Variants in DZANK1 observed in about 807,000 individuals in gnomAD.
The protein encoded by DZANK1 is double zinc ribbon and ankyrin repeat domains 1.
A neutral mutation model predicts 94.5 loss-of-function variants in DZANK1; 91 were observed. The observed-to-expected ratio is 0.96, with a 90% CI of 0.81 to 1.15. The LOEUF (loss-of-function observed/expected upper bound fraction) is 1.15. Ranked by LOEUF, DZANK1 falls within the 50% of genes most tolerant of loss-of-function variation. The pLI, the probability that DZANK1 is intolerant of heterozygous loss-of-function variation, is 0.00. For synonymous variants in DZANK1, 312 were observed against 325.3 expected (o/e 0.96, Z 0.44); for missense variants, 903 against 916.4 (o/e 0.99, Z 0.19).
At chr20:18,414,374 C>T (rs1238674049) in exon 12 of DZANK1, 1 of 1,613,966 alleles carries the variant, frequency 6.2e-7, no homozygotes, top group South Asian at 1.1e-5. Context: ...GGTTCCTCAG[C>T]AGCTAGAGCC....
intron 19 of DZANK1, among the ~76,000 whole-genome samples, chr20:18,385,895 C>T (rs1441072304): frequency 1.3e-5 from 2 of 152,122 alleles, no homozygotes; most frequent in East Asian, 1.9e-4. Context: ...GGTTTCTCTC[C>T]GTATTTCCTG....
chr20:18,425,261 G>T (rs549655190), intron 10 of DZANK1, among the ~76,000 whole-genome samples: 5 of 152,120 alleles, frequency 3.3e-5, no homozygotes, highest in African/African-American at 1.2e-4. Flanking sequence ...GACATTAAAA[G>T]GTATCTTGTC....
chr20:18,435,710 A>G (rs1457609140), intron 8 of DZANK1, among the ~76,000 whole-genome samples: 3 of 151,928 alleles, frequency 2.0e-5, no homozygotes, highest in Admixed American at 6.6e-5. Flanking sequence ...ATGTACACCT[A>G]TGTAACAAAC....
At chr20:18,453,468 G>T (rs1240545814) in intron 5 of DZANK1, among the ~76,000 whole-genome samples, 1 of 152,054 alleles carries the variant, frequency 6.6e-6, no homozygotes, top group Non-Finnish European at 1.5e-5. Context: ...TACAACTCCA[G>T]CATTTCCTCT....
chr20:18,451,657 G>A (rs1259320415), intron 6 of DZANK1, among the ~76,000 whole-genome samples: 1 of 152,006 alleles, frequency 6.6e-6, no homozygotes, highest in Non-Finnish European at 1.5e-5. Context: ...GATGTCTAAT[G>A]TGCCCTTGGA....
intron 19 of DZANK1, among the ~76,000 whole-genome samples, chr20:18,388,757 G>GTT (rs2048667308): frequency 6.6e-6 from 1 of 152,048 alleles, no homozygotes; most frequent in Non-Finnish European, 1.5e-5. Context: ...ACAAAAGGGG[G>GTT]GTAGAAGCTA....
At chr20:18,415,725 AT>A (rs1343394705) in intron 10 of DZANK1, among the ~76,000 whole-genome samples, 3 of 152,180 alleles carry the variant, frequency 2.0e-5, no homozygotes, top group Non-Finnish European at 4.4e-5. Context: ...AATATCTTTA[AT>A]ATCAGGGATA....
chr20:18,431,417 G>A (rs1357408369), intron 9 of DZANK1, among the ~76,000 whole-genome samples: 1 of 152,240 alleles, frequency 6.6e-6, no homozygotes, highest in Non-Finnish European at 1.5e-5. Flanking sequence ...ATGGCATGCT[G>A]CCGCCTGCCG....
chr20:18,389,757 A>T, exon 19 of DZANK1: 1 of 1,613,874 alleles, frequency 6.2e-7, no homozygotes, highest in Non-Finnish European at 8.5e-7. Flanking sequence ...GAATCGCTTC[A>T]TGGTGCTTAT....
chr20:18,406,751 C>T (rs1302108082), intron 13 of DZANK1, among the ~76,000 whole-genome samples: 1 of 152,218 alleles, frequency 6.6e-6, no homozygotes, highest in Non-Finnish European at 1.5e-5. Context: ...TCTTGGGGTC[C>T]CTGAGTCTAG....
chr20:18,460,425 G>A, intron 2 of DZANK1, 119 bp from the exon 3 acceptor site: 2 of 834,382 alleles, frequency 2.4e-6, no homozygotes, highest in Non-Finnish European at 3.4e-6. Flanking sequence ...TGTGATTTAA[G>A]TTAAGATTTA....
At chr20:18,415,119 C>T (rs1442824067) in intron 11 of DZANK1, among the ~76,000 whole-genome samples, 1 of 152,108 alleles carries the variant, frequency 6.6e-6, no homozygotes, top group Non-Finnish European at 1.5e-5. Context: ...AAGGTTTAAC[C>T]TCAAAGAAAT....
chr20:18,404,597 T>C (rs1316522702), intron 13 of DZANK1, among the ~76,000 whole-genome samples: 1 of 152,032 alleles, frequency 6.6e-6, no homozygotes, highest in African/African-American at 2.4e-5. Context: ...AAAAAAATCA[T>C]GAGACATGCA....
chr20:18,455,322 G>T, exon 4 of DZANK1: 1 of 1,608,404 alleles, frequency 6.2e-7, no homozygotes, highest in Non-Finnish European at 8.5e-7. Flanking sequence ...CATAGTCTAC[G>T]TGAAACACCT....
At chr20:18,438,218 C>CAAAAAAAAAAAAAAAAAAAAA (rs761846698) in intron 8 of DZANK1, among the ~76,000 whole-genome samples, 2 of 57,754 alleles carry the variant, frequency 3.5e-5, no homozygotes, top group Non-Finnish European at 6.1e-5. Flanking sequence ...GACTCTGTCT[C>CAAAAAAAAAAAAAAAAAAAAA]AAAAAAAAAA....
chr20:18,465,207 G>T (rs376733044), intron 2 of DZANK1, 43 bp downstream of exon 2: 74 of 1,276,674 alleles, frequency 5.8e-5, no homozygotes, highest in Non-Finnish European at 7.4e-5. Flanking sequence ...CAAGAAATAT[G>T]ACAATGTTAT....
At chr20:18,454,411 T>C in intron 4 of DZANK1, 1 of 190,176 alleles carries the variant, frequency 5.3e-6, no homozygotes, top group Admixed American at 5.3e-5. Flanking sequence ...ATGGTCAAGC[T>C]TAAGTGAAAC....
intron 10 of DZANK1, among the ~76,000 whole-genome samples, chr20:18,426,037 C>T (rs1480497673): frequency 6.6e-6 from 1 of 152,146 alleles, no homozygotes; most frequent in Non-Finnish European, 1.5e-5. Context: ...AACTAGTACA[C>T]ACCCATTTGA....
chr20:18,461,600 C>CT (rs71194239), intron 2 of DZANK1, among the ~76,000 whole-genome samples: 117 of 138,374 alleles, frequency 8.5e-4, no homozygotes, highest in South Asian at 4.6e-3. Flanking sequence ...CATTTGTAAT[C>CT]TTTTTTTTTT....
Sources: allele counts gnomAD v4.1 joint callset (sites outside exome capture counted in the v4.1 genomes callset), GRCh38; gene constraint gnomAD v4.1.1; transcripts MANE v1.5; gene names NCBI Gene and HGNC (gene_info 2026-07-23, HGNC 2026-07-21).